Variants in TMEM185A observed in about 807,000 individuals in gnomAD.
TMEM185A encodes the protein family with sequence similarity 11, member A.
Under a neutral mutation model 25.0 loss-of-function variants are expected in TMEM185A, and 9 were observed. The observed-to-expected ratio is 0.36, with a 90% CI of 0.22 to 0.63. TMEM185A has a LOEUF of 0.63. Among genes scored for constraint, TMEM185A ranks in the 20% least tolerant of loss-of-function variants. The probability of loss-of-function intolerance (pLI) is 0.68; values close to 1 mark genes in which losing one functional copy is unlikely to be tolerated. For synonymous variants in TMEM185A, 45 were observed against 93.5 expected, an observed-to-expected ratio of 0.48 and a Z score of 2.99; for missense variants, 103 against 237.4, an observed-to-expected ratio of 0.43 and a Z score of 3.72.
chrX:149,619,500 CT>C (rs1167404791), intron 1 of TMEM185A, among the ~76,000 whole-genome samples: 2 of 107,888 alleles, frequency 1.9e-5, no homozygotes, highest in Non-Finnish European at 3.9e-5. Context: ...CTTTTTTTTT[CT>C]TTTTTTTATT....
At chrX:149,606,216 C>T (rs782537076) in intron 3 of TMEM185A, among the ~76,000 whole-genome samples, 23 of 112,564 alleles carry the variant, frequency 2.0e-4, no homozygotes, top group Admixed American at 1.7e-3. Context: ...GTTCTTCACC[C>T]GGATTTTCAC....
intron 1 of TMEM185A, among the ~76,000 whole-genome samples, chrX:149,628,161 G>T (rs781954717): frequency 8.1e-5 from 9 of 111,371 alleles, no homozygotes; most frequent in African/African-American, 3.0e-4. Flanking sequence ...GACTAAGAAG[G>T]CCCAGCAGAG....
At chrX:149,612,015 T>G (rs950768614) in intron 1 of TMEM185A, among the ~76,000 whole-genome samples, 1 of 112,612 alleles carries the variant, frequency 8.9e-6, no homozygotes, top group East Asian at 2.8e-4. Context: ...GTGTATGTAT[T>G]ATACTTTCCA....
chrX:149,623,776 TAAACTAC>T (rs1557355760), intron 1 of TMEM185A, among the ~76,000 whole-genome samples: 1 of 111,963 alleles, frequency 8.9e-6, no homozygotes, highest in Admixed American at 9.5e-5. Context: ...TTAAAAAAAT[TAAACTAC>T]AAAGTTGATC....
rs1569560960 is a variant in TMEM185A, at chrX:149,605,471, T to TTGTCACTTTCTATGGCCTCCCA, written c.424-1423_424-1402dup. 4.5e-3 allele frequency among the ~76,000 whole-genome samples: 231 copies of TTGTCACTTTCTATGGCCTCCCA among 51,721 alleles called. 22 individuals are homozygous for TTGTCACTTTCTATGGCCTCCCA. The highest frequency in any genetic ancestry group is 0.019 in the African/African-American group (186 of 9,559). 44.9% of individuals were successfully genotyped at this position (51,721 alleles called of 115,157 possible). A position where few individuals can be genotyped will look rare whatever the true frequency, so the allele number is the denominator to read the frequency against. On this transcript the variant is annotated intron_variant, in intron 3 of 6. Transcript: ENST00000600449. ...CCCATGTCACTTTCTATGGCCTCCCTTGTCACTTTCTATGGCCTCCCATGT... is the reference window on the plus strand; with the variant it reads ...CCCATGTCACTTTCTATGGCCTCCCTTGTCACTTTCTATGGCCTCCCATGTCACTTTCTATGGCCTCCCATGT...
At position 149,604,610 on chromosome X, in the gene TMEM185A, GC is replaced by G. The variant is rs782406726; in HGVS notation, c.424-541del. On this transcript the variant is annotated intron_variant, in intron 3 of 6. Coordinates refer to ENST00000600449, the MANE Select transcript of TMEM185A (RefSeq NM_032508.4). ...TGACTCCTTCTCATTAAAAACAAAAGCCCCGAAACCAGATAAACCCACCCCA... is the reference window on the plus strand; with the variant it reads ...TGACTCCTTCTCATTAAAAACAAAAGCCCGAAACCAGATAAACCCACCCCA... 1.5e-4 allele frequency among the ~76,000 whole-genome samples: 17 copies of G among 110,329 alleles called. No homozygotes were observed. The East Asian group carries it at 4.9e-3, about 32-fold the overall frequency.
At chrX:149,613,985 G>A (rs1557354783) in intron 1 of TMEM185A, among the ~76,000 whole-genome samples, 1 of 112,041 alleles carries the variant, frequency 8.9e-6, no homozygotes, top group Non-Finnish European at 1.9e-5. Context: ...TGTTATAAAT[G>A]GAAATTAACA....
chrX:149,629,910 T>C (rs1557356447), intron 1 of TMEM185A, among the ~76,000 whole-genome samples: 2 of 112,294 alleles, frequency 1.8e-5, no homozygotes, highest in Non-Finnish European at 3.8e-5. Flanking sequence ...CAATCCTTAA[T>C]TGGCCTCCCT....
intron 2 of TMEM185A, 60 bp from the exon 3 acceptor site, chrX:149,608,894 A>C (rs782519966): frequency 5.0e-6 from 5 of 1,000,673 alleles, no homozygotes; most frequent in Non-Finnish European, 1.4e-6. Context: ...ATAAGCAAGC[A>C]GTTCAGGGCA....
Position 149,597,310 on chromosome X carries a change from A to C in TMEM185A, c.*701T>G, listed in dbSNP as rs2089997067. On this transcript the variant is annotated 3_prime_UTR_variant, in exon 7 of 7. Coordinates refer to ENST00000600449, the MANE Select transcript of TMEM185A (RefSeq NM_032508.4). Reference sequence around the variant, plus strand: ...AGCTTGTAAAAAAATACTTGAACAGAATATGCTGTACAGAACTAGGGGTTA... The same window carrying C: ...AGCTTGTAAAAAAATACTTGAACAGCATATGCTGTACAGAACTAGGGGTTA... 4.2e-5 allele frequency: 3 copies of C among 71,430 alleles called. No individual in the cohort carries two copies. The Admixed American group carries it at 4.6e-4, about 11-fold the overall frequency. 5.9% of individuals were successfully genotyped at this position (71,430 alleles called of 1,213,427 possible).
intron 1 of TMEM185A, among the ~76,000 whole-genome samples, chrX:149,628,380 G>T (rs1356897029): frequency 8.9e-6 from 1 of 112,170 alleles, no homozygotes; most frequent in Non-Finnish European, 1.9e-5. Context: ...CTGTTAGGAA[G>T]CCTCAGGCAT....
At chrX:149,627,178 C>A (rs1557356132) in intron 1 of TMEM185A, among the ~76,000 whole-genome samples, 4 of 112,582 alleles carry the variant, frequency 3.6e-5, no homozygotes, top group Non-Finnish European at 7.5e-5. Flanking sequence ...TTGGACAATA[C>A]CCAGGCTTTC....
Position 149,604,063 on chromosome X carries a change from A to T in TMEM185A, c.431T>A (p.Ile144Asn). ...FRHDRSLELE[I>N]LCSVNILQFI... ...CTGGAGAATGTTGACAGAACACAGG[A>T]TTTCTAACTAAAAATGAAGAGAAGA... The change falls in exon 4 of 7, where the codon ATC becomes AAC. Residue 144 changes from isoleucine (I) to asparagine (N), a missense_variant. This residue lies in a region of TMEM185A where 102 missense variants were observed against 125.7 expected (regional missense o/e 0.81). Transcript: ENST00000600449. The T allele has an allele frequency of 8.4e-7, 1 of 1,185,966 alleles. No homozygotes were observed. Among genetic ancestry groups the T allele is most frequent in the Non-Finnish European group, 1.1e-6 (1 of 874,642 alleles).
chrX:149,613,219 T>C (rs1204925524), intron 1 of TMEM185A, among the ~76,000 whole-genome samples: 2 of 112,355 alleles, frequency 1.8e-5, no homozygotes, highest in Non-Finnish European at 3.8e-5. Flanking sequence ...AACTTTACAA[T>C]AGGAAGATTA....
intron 1 of TMEM185A, among the ~76,000 whole-genome samples, chrX:149,631,072 G>C (rs782320800): frequency 3.6e-5 from 4 of 110,748 alleles, no homozygotes; most frequent in Non-Finnish European, 5.7e-5. Context: ...GCAAACAAGA[G>C]AGGGATGGGC....
intron 1 of TMEM185A, among the ~76,000 whole-genome samples, chrX:149,612,378 G>T (rs1220826049): frequency 5.4e-5 from 6 of 111,887 alleles, no homozygotes; most frequent in African/African-American, 1.9e-4. Context: ...AATATAAATG[G>T]CCAACTGAAA....
Position 149,605,762 on chromosome X carries a change from T to C in TMEM185A, c.424-1692A>G, listed in dbSNP as rs371491663. Among the ~76,000 whole-genome samples the C allele has an allele frequency of 5.3e-5, 6 of 112,246 alleles. No individual in the cohort carries two copies. The East Asian group carries it at 1.7e-3, about 31-fold the overall frequency. On this transcript the variant is annotated intron_variant, in intron 3 of 6. Coordinates refer to ENST00000600449, the MANE Select transcript of TMEM185A (RefSeq NM_032508.4). ...ATGATGACTGCCTAGTGAGGCCTTC[T>C]TCGGCACCATCCGCCTACCACTTCA...
chrX:149,615,231 T>C (rs2090104146), intron 1 of TMEM185A, among the ~76,000 whole-genome samples: 1 of 112,284 alleles, frequency 8.9e-6, no homozygotes, highest in African/African-American at 3.2e-5. Context: ...AGAAAAATCA[T>C]ATGATCATCT....
intron 1 of TMEM185A, among the ~76,000 whole-genome samples, chrX:149,613,100 T>C (rs1421783028): frequency 1.8e-5 from 2 of 112,075 alleles, no homozygotes; most frequent in Non-Finnish European, 3.8e-5. Context: ...GTAGGCAGAA[T>C]TCTAAAGAAG....
Sources: allele counts gnomAD v4.1 joint callset (sites outside exome capture counted in the v4.1 genomes callset), GRCh38; gene constraint gnomAD v4.1.1; regional missense constraint gnomAD v4.1.1; transcripts MANE v1.5; gene names NCBI Gene and HGNC (gene_info 2026-07-23, HGNC 2026-07-21).